Variants in NDUFA10 observed in about 807,000 individuals in gnomAD.
The protein encoded by NDUFA10 is NADH:ubiquinone oxidoreductase subunit A10.
A neutral mutation model predicts 47.8 loss-of-function variants in NDUFA10; 40 were observed. The observed-to-expected ratio is 0.84, with a 90% CI of 0.65 to 1.09. The LOEUF is 1.09. Ranked by LOEUF, NDUFA10 falls within the 50% of genes least tolerant of loss-of-function variation. The pLI is 0.00. For missense variants in NDUFA10, 413 were observed against 451.1 expected (o/e 0.92, Z 0.76); for synonymous variants, 183 against 172.2 (o/e 1.06, Z -0.49).
intron 4 of NDUFA10, among the ~76,000 whole-genome samples, chr2:240,015,795 C>T (rs1697322900): frequency 6.6e-6 from 1 of 152,228 alleles, no homozygotes; most frequent in African/African-American, 2.4e-5. Flanking sequence ...CAGCTTTTCA[C>T]GTGTGGAACC....
Position 239,990,077 on chromosome 2 carries a change from T to G in NDUFA10, c.996A>C (p.Arg332Ser), listed in dbSNP as rs781782535. ...TTCTCCATTTCCACAGTCTTACCTC[T>G]CTGAACTGATGTAAGACACGGTCAG... is the stretch of plus-strand genomic sequence containing the variant. ...HQTDRVLHQF[R>S]ELPGRKYSPG... The change falls in exon 9 of 10, where the codon AGA (arginine) becomes AGC (serine). Residue 332 changes from arginine (R) to serine (S), a missense_variant. Transcript: ENST00000252711. 2 of 1,602,532 alleles carry G rather than the reference T, an allele frequency of 1.2e-6. No individual in the cohort carries two copies. Among genetic ancestry groups the G allele is most frequent in the African/African-American group, 2.7e-5 (2 of 74,824 alleles).
chr2:240,007,689 C>A (rs1696998202), intron 6 of NDUFA10, among the ~76,000 whole-genome samples: 2 of 152,230 alleles, frequency 1.3e-5, no homozygotes, highest in Non-Finnish European at 2.9e-5. Flanking sequence ...GAGCAAGGTA[C>A]ATGAGCCATG....
At position 239,906,349 on chromosome 2, in the gene NDUFA10, G is replaced by C. The variant is rs560424200; in HGVS notation, c.295-11035C>G. ...CACTGACCACGCCCTGTTGATAGAC[G>C]CCGAGGCCATTTTCTGGGATACTCA... On this transcript the variant is annotated intron_variant, in intron 4 of 5. Transcript: ENST00000419408. The surrounding 1 kb of genome is among the most constrained non-coding windows in gnomAD (Gnocchi z 4.3). Among the ~76,000 whole-genome samples the C allele has an allele frequency of 6.6e-6, 1 of 152,224 alleles. No individual in the cohort carries two copies. The highest frequency in any genetic ancestry group is 1.9e-4 in the East Asian group (1 of 5,176).
intron 3 of NDUFA10, among the ~76,000 whole-genome samples, chr2:240,019,516 A>C (rs1352564485): frequency 6.6e-6 from 1 of 152,188 alleles, no homozygotes; most frequent in African/African-American, 2.4e-5. Flanking sequence ...GGGTTGAAGA[A>C]TGCTTTAAAA....
In NDUFA10 at chr2:239,987,212, C is replaced by T. The variant is rs916041921; in HGVS notation, c.999+2862G>A. Among the ~76,000 whole-genome samples, 1 of 152,096 alleles carries T rather than the reference C, an allele frequency of 6.6e-6. No individual in the cohort carries two copies. The highest frequency in any genetic ancestry group is 1.5e-5 in the Non-Finnish European group (1 of 68,020). On this transcript the variant is annotated intron_variant, in intron 9 of 9. Coordinates refer to ENST00000252711, the MANE Select transcript of NDUFA10 (RefSeq NM_004544.4). The surrounding 1 kb of genome is among the most constrained non-coding windows in gnomAD (Gnocchi z 4.8). ...GGGCCTGTGGACTGGACAGCAGTAA[C>T]GCGTGATGCTCATTTCCTGACTCTG...
intron 3 of NDUFA10, among the ~76,000 whole-genome samples, chr2:240,019,302 T>C (rs1394278443): frequency 1.3e-5 from 2 of 152,042 alleles, no homozygotes; most frequent in Non-Finnish European, 2.9e-5. Context: ...CCAGAATGGG[T>C]CTGGCACACA....
At chr2:239,927,508 G>A (rs1047296143) in intron 4 of NDUFA10, among the ~76,000 whole-genome samples, 3 of 152,134 alleles carry the variant, frequency 2.0e-5, no homozygotes, top group Non-Finnish European at 2.9e-5. Flanking sequence ...CTGACTCACC[G>A]ACCTAACGGT....
intron 4 of NDUFA10, among the ~76,000 whole-genome samples, chr2:239,916,494 C>T (rs2106365451): frequency 6.6e-6 from 1 of 152,314 alleles, no homozygotes; most frequent in East Asian, 1.9e-4. Context: ...TAGGAAGAGC[C>T]CAAATGCCCG....
At chr2:239,897,340 G>A (rs895350181) in intron 4 of NDUFA10, among the ~76,000 whole-genome samples, 1 of 151,852 alleles carries the variant, frequency 6.6e-6, no homozygotes, top group African/African-American at 2.4e-5. Context: ...AAAATTATTT[G>A]TGATAAATTG....
chr2:239,953,948 T>C (rs1694605424), downstream of NDUFA10, among the ~76,000 whole-genome samples: 1 of 152,050 alleles, frequency 6.6e-6, no homozygotes, highest in Non-Finnish European at 1.5e-5. Flanking sequence ...CCTGCTGGGC[T>C]GGGCTAGGCT....
chr2:239,975,228 C>G (rs116095063), intron 9 of NDUFA10, among the ~76,000 whole-genome samples: 11,079 of 152,302 alleles, frequency 0.073, 481 homozygotes, highest in Admixed American at 0.13. Flanking sequence ...TCCCCTTTAC[C>G]GTCTACCATG....
intron 9 of NDUFA10, chr2:239,982,123 C>G (rs752306899): frequency 4.3e-6 from 7 of 1,612,620 alleles, no homozygotes; most frequent in African/African-American, 4.0e-5. Flanking sequence ...ACCTGAAGAC[C>G]GATGAGAAGG....
intron 9 of NDUFA10, among the ~76,000 whole-genome samples, chr2:239,974,290 C>T (rs1559339542): frequency 6.6e-6 from 1 of 152,152 alleles, no homozygotes; most frequent in African/African-American, 2.4e-5. Flanking sequence ...CGCTGGGTGT[C>T]GCCTAGAGTG....
At chr2:240,021,656 G>C (rs1265368721) in intron 2 of NDUFA10, among the ~76,000 whole-genome samples, 1 of 152,200 alleles carries the variant, frequency 6.6e-6, no homozygotes, top group Non-Finnish European at 1.5e-5. Context: ...CTCCTGAAAG[G>C]ACTGCTCCCT....
intron 4 of NDUFA10, among the ~76,000 whole-genome samples, chr2:239,907,500 T>C (rs962390768): frequency 6.6e-6 from 1 of 152,232 alleles, no homozygotes; most frequent in Non-Finnish European, 1.5e-5. Flanking sequence ...TCTACCCATC[T>C]AACAAAGGGC....
chr2:239,910,585 G>C (rs569869507), intron 4 of NDUFA10, among the ~76,000 whole-genome samples: 2 of 152,194 alleles, frequency 1.3e-5, no homozygotes, highest in East Asian at 1.9e-4. Context: ...GAAGGGAGAG[G>C]ATCAGGAAGA....
Position 239,958,218 on chromosome 2 carries a change from C to T in NDUFA10, c.*2900G>A, listed in dbSNP as rs752124492. On this transcript the variant is annotated 3_prime_UTR_variant, in exon 10 of 10. Coordinates refer to ENST00000252711, the MANE Select transcript of NDUFA10 (RefSeq NM_004544.4). ...CCTCCACCCCTATTTTGCCAAACCC[C>T]CAAATCTTGCAGATTTATATCCAGT... 11 of 152,212 alleles carry T rather than the reference C, an allele frequency of 7.2e-5. No homozygotes were observed. The highest frequency in any genetic ancestry group is 1.5e-4 in the Non-Finnish European group (10 of 68,044). 9.4% of individuals were successfully genotyped at this position (152,212 alleles called of 1,614,324 possible). A position where few individuals can be genotyped will look rare whatever the true frequency, so the allele number is the denominator to read the frequency against.
intron 8 of NDUFA10, among the ~76,000 whole-genome samples, chr2:239,999,663 T>C (rs182743844): frequency 1.3e-5 from 2 of 152,370 alleles, no homozygotes; most frequent in African/African-American, 4.8e-5. Flanking sequence ...ATGGTTCCTT[T>C]ACGTAACTCT....
At chr2:239,974,226 A>G (rs1272122452) in intron 9 of NDUFA10, among the ~76,000 whole-genome samples, 2 of 152,156 alleles carry the variant, frequency 1.3e-5, no homozygotes, top group South Asian at 2.1e-4. Context: ...ACTGCACCCA[A>G]TGAAAACGCT....
Sources: allele counts gnomAD v4.1 joint callset (sites outside exome capture counted in the v4.1 genomes callset), GRCh38; gene constraint gnomAD v4.1.1; non-coding constraint Gnocchi (gnomAD v3.1); transcripts MANE v1.5; gene names NCBI Gene and HGNC (gene_info 2026-07-23, HGNC 2026-07-21).